ASXL3: variants seen among roughly 807,000 people sequenced by gnomAD.
ASXL3 encodes the protein ASXL transcriptional regulator 3, also known as putative Polycomb group protein ASXL3.
Under a neutral mutation model 170.6 loss-of-function variants are expected in ASXL3, and 34 were observed. The ratio of observed to expected loss-of-function variants is 0.20; its 90% CI spans 0.15 to 0.27. ASXL3 has a LOEUF of 0.27. Ranked by LOEUF, ASXL3 falls within the 10% of genes least tolerant of loss-of-function variation. ASXL3 has a pLI of 1.00. For missense variants in ASXL3, 2,592 were observed against 2,695.3 expected, an observed-to-expected ratio of 0.96 and a Z score of 0.85; for synonymous variants, 1,002 against 989.1, an observed-to-expected ratio of 1.01 and a Z score of -0.24.
At chr18:33,720,970 A>T (rs1178646926) in intron 8 of ASXL3, among the ~76,000 whole-genome samples, 1 of 151,874 alleles carries the variant, frequency 6.6e-6, no homozygotes, top group Non-Finnish European at 1.5e-5. Flanking sequence ...TTGAAACTGA[A>T]TACCTGAAAC....
At chr18:33,598,804 G>A (rs1044174786) in intron 1 of ASXL3, among the ~76,000 whole-genome samples, 6 of 152,114 alleles carry the variant, frequency 3.9e-5, no homozygotes, top group African/African-American at 1.2e-4. Flanking sequence ...GATAACCATG[G>A]GGATAATCAT....
chr18:33,622,965 C>T (rs1378063877), intron 2 of ASXL3, among the ~76,000 whole-genome samples: 1 of 152,076 alleles, frequency 6.6e-6, no homozygotes, highest in Non-Finnish European at 1.5e-5. Context: ...CATGTGTGGG[C>T]TTGATTTATA....
At chr18:33,616,385 C>T (rs1383568823) in intron 2 of ASXL3, among the ~76,000 whole-genome samples, 7 of 140,192 alleles carry the variant, frequency 5.0e-5, no homozygotes, top group Non-Finnish European at 3.1e-5. Context: ...AATTCAAGGA[C>T]TGTTGTGTGT....
intron 5 of ASXL3, among the ~76,000 whole-genome samples, chr18:33,669,762 G>A (rs1466331769): frequency 6.6e-6 from 1 of 152,158 alleles, no homozygotes; most frequent in Non-Finnish European, 1.5e-5. Context: ...AAAAAGGATT[G>A]AGGCAGTATG....
chr18:33,654,548 T>C (rs766363760), intron 4 of ASXL3, among the ~76,000 whole-genome samples: 1 of 152,100 alleles, frequency 6.6e-6, no homozygotes, highest in Non-Finnish European at 1.5e-5. Flanking sequence ...AATGAAACAC[T>C]TAACCTTGAC....
In ASXL3 at chr18:33,750,213, C is replaced by CA. The variant is rs1179307567; in HGVS notation, c.*3619dup. ...GAACAGGAACTCTGAATCAGACTGT[C>CA]AGGGGCCTATGTAGCCAAAATGTTA... On this transcript the variant is annotated 3_prime_UTR_variant, in exon 12 of 12. Transcript: ENST00000269197. 2 of 152,218 alleles carry CA rather than the reference C, an allele frequency of 1.3e-5. No individual in the cohort carries two copies. The highest frequency in any genetic ancestry group is 2.1e-4 in the South Asian group (1 of 4,826). 9.4% of individuals were successfully genotyped at this position (152,218 alleles called of 1,614,324 possible).
intron 9 of ASXL3, 107 bp downstream of exon 9, chr18:33,732,171 T>A: frequency 2.7e-6 from 2 of 754,450 alleles, no homozygotes; most frequent in Non-Finnish European, 4.0e-6. Flanking sequence ...CAGTACACTT[T>A]AATTTAGTAA....
At chr18:33,607,570 A>G in intron 1 of ASXL3, 24 bp from the exon 2 acceptor site, 1 of 1,522,798 alleles carries the variant, frequency 6.6e-7, no homozygotes, top group African/African-American at 1.4e-5. Context: ...GCAATAATCT[A>G]GGAATCTTAT....
intron 8 of ASXL3, among the ~76,000 whole-genome samples, chr18:33,720,527 A>G (rs1012853307): frequency 2.6e-5 from 4 of 152,094 alleles, no homozygotes; most frequent in Non-Finnish European, 4.4e-5. Context: ...ATACAATTAT[A>G]AAACGTTGTC....
intron 1 of ASXL3, among the ~76,000 whole-genome samples, chr18:33,581,955 G>C (rs573213860): frequency 6.6e-6 from 1 of 152,042 alleles, no homozygotes; most frequent in African/African-American, 2.4e-5. Flanking sequence ...CTTCTGCCCT[G>C]CATCAGTTGC....
intron 8 of ASXL3, chr18:33,690,213 G>T (rs1568330267): frequency 6.6e-6 from 1 of 152,000 alleles, no homozygotes; most frequent in African/African-American, 2.4e-5. Flanking sequence ...AAAGTGTTCT[G>T]ATCTTATAGT....
chr18:33,676,888 A>G (rs2066439118), intron 7 of ASXL3, among the ~76,000 whole-genome samples: 1 of 152,188 alleles, frequency 6.6e-6, no homozygotes, highest in African/African-American at 2.4e-5. Flanking sequence ...TAGAACATAG[A>G]TTTGTGAATG....
rs190696423 is a variant in ASXL3 at position 33,590,199 on chromosome 18, C to T, written c.54+11514C>T. Among the ~76,000 whole-genome samples, 62 of 145,880 alleles carry T rather than the reference C, an allele frequency of 4.3e-4. No individual in the cohort carries two copies. In the East Asian group the frequency reaches 0.011, roughly 26 times the overall value. On this transcript the variant is annotated intron_variant, in intron 1 of 11. Coordinates refer to ENST00000269197, the MANE Select transcript of ASXL3 (RefSeq NM_030632.3). ...TTAGGTATTGGACAAGGTAAGATGG[C>T]CACTGGCACAACCTACGTGTGTTGT...
intron 8 of ASXL3, among the ~76,000 whole-genome samples, chr18:33,697,383 G>A (rs1047135508): frequency 2.6e-5 from 4 of 152,194 alleles, no homozygotes; most frequent in South Asian, 4.1e-4. Context: ...AACATTAGAA[G>A]TAGTGAACAT....
intron 2 of ASXL3, among the ~76,000 whole-genome samples, chr18:33,632,517 A>G (rs2065693665): frequency 1.3e-5 from 2 of 152,132 alleles, no homozygotes; most frequent in South Asian, 4.1e-4. Context: ...CATATTGTCA[A>G]ACTGATTTCT....
At chr18:33,715,376 A>G (rs1348141454) in intron 8 of ASXL3, among the ~76,000 whole-genome samples, 1 of 152,204 alleles carries the variant, frequency 6.6e-6, no homozygotes, top group Non-Finnish European at 1.5e-5. Context: ...TCTACTATAT[A>G]TGTTAGCATA....
Position 33,655,390 on chromosome 18 carries a change from G to A in ASXL3, c.356-6226G>A, listed in dbSNP as rs115906576. Among the ~76,000 whole-genome samples, 517 of 152,076 alleles carry A rather than the reference G, an allele frequency of 3.4e-3. 3 individuals are homozygous for A. The highest frequency in any genetic ancestry group is 0.012 in the African/African-American group (492 of 41,524). ...TCTAAACGTTATAAAGAGAATCAGT[G>A]CTTGTAATTTTTAGACTCCATGTCC... On this transcript the variant is annotated intron_variant, in intron 4 of 11. Transcript: ENST00000269197.
At chr18:33,661,376 G>T (rs1274223159) in intron 4 of ASXL3, among the ~76,000 whole-genome samples, 1 of 152,044 alleles carries the variant, frequency 6.6e-6, no homozygotes, top group Non-Finnish European at 1.5e-5. Context: ...CAATGACATA[G>T]AAATTATCAT....
chr18:33,607,621 A>G lies in ASXL3; in HGVS notation c.82A>G (p.Met28Val). 1 of 1,590,770 alleles carries G rather than the reference A, an allele frequency of 6.3e-7. No individual in the cohort carries two copies. The highest frequency in any genetic ancestry group is 1.1e-5 in the South Asian group (1 of 87,170). ...LALEKHPNSP[M>V]TAKQILEVIQ... is the part of the protein sequence containing the mutation. ...ACTAGAAAAACACCCCAACTCACCA[A>G]TGACAGCAAAGCAGATATTGGAAGT... Residue 28 changes from methionine to valine, a missense_variant, in exon 2 of 12, where the codon ATG (methionine) becomes GTG (valine). Physicochemically the swap from Met to Val is conservative, Grantham distance 21. Transcript: ENST00000269197.
Sources: gnomAD v4.1 joint callset for allele counts (sites outside exome capture counted in the v4.1 genomes callset) on GRCh38, gnomAD v4.1.1 for gene constraint, MANE v1.5 for transcripts, NCBI Gene and HGNC (gene_info 2026-07-23, HGNC 2026-07-21) for gene names.